The following CAP2 variants were observed in gnomAD, a reference collection of about 807,000 sequenced individuals.
CAP2 encodes the protein adenylyl cyclase-associated protein 2.
In CAP2, 24 loss-of-function variants were observed where a neutral mutation model predicts 57.7. That is an observed-to-expected ratio of 0.42 (90% confidence interval 0.30 to 0.58). The LOEUF (loss-of-function observed/expected upper bound fraction) is 0.58, where lower values mean the gene tolerates loss of function less well. Ranked by LOEUF, CAP2 falls within the 20% of genes least tolerant of loss-of-function variation. The probability of loss-of-function intolerance (pLI) is 0.22; values close to 1 mark genes in which losing one functional copy is unlikely to be tolerated. For synonymous variants in CAP2, 194 were observed against 207.2 expected (o/e 0.94, Z 0.55); for missense variants, 501 against 590.3 (o/e 0.85, Z 1.57).
intron 7 of CAP2, chr6:17,536,148 C>T (rs1218887933): frequency 2.2e-6 from 1 of 455,376 alleles, no homozygotes; most frequent in Non-Finnish European, 4.4e-6. Context: ...CTTGGGACAT[C>T]TGAAGACAGT....
chr6:17,555,641 G>A (rs1278468932), intron 12 of CAP2, among the ~76,000 whole-genome samples: 7 of 148,774 alleles, frequency 4.7e-5, no homozygotes, highest in Non-Finnish European at 7.4e-5. Context: ...TCGGCTGACC[G>A]CAACCTCTGC....
intron 7 of CAP2, among the ~76,000 whole-genome samples, chr6:17,529,651 A>AAAAAAAAAAAAATAT (rs10656588): frequency 4.2e-4 from 57 of 134,526 alleles, no homozygotes; most frequent in African/African-American, 1.6e-3. Context: ...AAAAAAAAAA[A>AAAAAAAAAAAAATAT]ATATATATAT....
chr6:17,541,111 C>G lies in CAP2; in HGVS notation c.965C>G (p.Ala322Gly), dbSNP rs751518035. The G allele has an allele frequency of 3.8e-5, 62 of 1,613,498 alleles. No homozygotes were observed. The South Asian group carries it at 6.4e-4, about 17-fold the overall frequency. ...SPKSYPSQKHAPVLELEGKKW... is the reference protein window; with the variant it reads ...SPKSYPSQKHGPVLELEGKKW... ...AAATCTTATCCTTCTCAAAAACATG[C>G]CCCAGTGTTGGAGTTGGAAGGAAAG... Residue 322 changes from alanine (A) to glycine (G), a missense_variant, in exon 9 of 13, where the codon GCC becomes GGC. Ala to Gly is a moderately conservative substitution (Grantham distance 60, BLOSUM62 0). Coordinates refer to ENST00000229922, the MANE Select transcript of CAP2 (RefSeq NM_006366.3).
At chr6:17,467,775 G>T (rs113352836) in intron 4 of CAP2, among the ~76,000 whole-genome samples, 2,485 of 152,048 alleles carry the variant, frequency 0.016, 74 homozygotes, top group African/African-American at 0.057. Flanking sequence ...CGCCCGCCTC[G>T]GCCTCCCAAA....
At chr6:17,424,355 G>A (rs1462760664) in intron 2 of CAP2, among the ~76,000 whole-genome samples, 1 of 152,104 alleles carries the variant, frequency 6.6e-6, no homozygotes, top group African/African-American at 2.4e-5. Flanking sequence ...AGCCGAGATC[G>A]CGCCACTGCA....
intron 1 of CAP2, among the ~76,000 whole-genome samples, chr6:17,417,656 G>A (rs1759320383): frequency 6.6e-6 from 1 of 152,130 alleles, no homozygotes; most frequent in African/African-American, 2.4e-5. Flanking sequence ...TCACACTCTG[G>A]TCAGGTGTTT....
intron 11 of CAP2, among the ~76,000 whole-genome samples, chr6:17,544,725 T>C (rs943896499): frequency 1.3e-5 from 2 of 152,130 alleles, no homozygotes; most frequent in African/African-American, 4.8e-5. Flanking sequence ...AGCTAATTTT[T>C]TGAATATTTA....
At chr6:17,483,894 A>C (rs2113625984) in intron 4 of CAP2, among the ~76,000 whole-genome samples, 1 of 152,108 alleles carries the variant, frequency 6.6e-6, no homozygotes, top group Middle Eastern at 3.4e-3. Flanking sequence ...GAAAAAACCC[A>C]GAGGAGCTTG....
At chr6:17,507,559 CT>C in intron 5 of CAP2, 81 bp from the exon 6 acceptor site, 1 of 936,112 alleles carries the variant, frequency 1.1e-6, no homozygotes, top group Non-Finnish European at 1.7e-6. Context: ...GTCTCCATTG[CT>C]TTTCTTCTTC....
chr6:17,510,401 G>A (rs1049143642), intron 6 of CAP2, among the ~76,000 whole-genome samples: 2 of 152,172 alleles, frequency 1.3e-5, no homozygotes, highest in Non-Finnish European at 2.9e-5. Flanking sequence ...GAATTTAGTC[G>A]TTCCATGTTG....
At chr6:17,456,586 T>A (rs1760577970) in intron 3 of CAP2, among the ~76,000 whole-genome samples, 1 of 152,090 alleles carries the variant, frequency 6.6e-6, no homozygotes, top group East Asian at 1.9e-4. Context: ...AAACAGGGCA[T>A]CAGTAGACCA....
intron 1 of CAP2, among the ~76,000 whole-genome samples, chr6:17,398,142 G>A (rs1279586975): frequency 6.6e-6 from 1 of 152,072 alleles, no homozygotes; most frequent in South Asian, 2.1e-4. Flanking sequence ...CTTTTAACCC[G>A]GTCACTCACG....
intron 3 of CAP2, among the ~76,000 whole-genome samples, chr6:17,461,906 T>G (rs925343324): frequency 1.5e-5 from 2 of 137,892 alleles, no homozygotes; most frequent in African/African-American, 2.7e-5. Flanking sequence ...GGCAGGAGAA[T>G]GGCATGAACC....
chr6:17,539,399 C>A lies in CAP2; in HGVS notation c.767C>A (p.Ser256Tyr), dbSNP rs370002478. 3 of 1,614,102 alleles carry A rather than the reference C, an allele frequency of 1.9e-6. No homozygotes were observed. The highest frequency in any genetic ancestry group is 2.5e-6 in the Non-Finnish European group (3 of 1,180,046). ...GAGAATGAAGGCAAAAAAGAGGAAT[C>A]TTCTCCTTCACGCTCAGCTTTATTT... The part of the protein sequence containing the change: ...LFENEGKKEE[S>Y]SPSRSALFAQ... Residue 256 changes from serine (S) to tyrosine (Y), a missense_variant, in exon 8 of 13, where the codon TCT becomes TAT. By Grantham distance (144) the Ser-to-Tyr change is moderately radical (BLOSUM62 -2). Transcript: ENST00000229922.
intron 11 of CAP2, among the ~76,000 whole-genome samples, chr6:17,544,409 G>A (rs1383532742): frequency 6.6e-6 from 1 of 152,106 alleles, no homozygotes; most frequent in Admixed American, 6.6e-5. Context: ...TGAGAAGTAG[G>A]GTTGGAGTTG....
chr6:17,483,368 G>A (rs1761342032), intron 4 of CAP2, among the ~76,000 whole-genome samples: 1 of 151,690 alleles, frequency 6.6e-6, no homozygotes, highest in African/African-American at 2.4e-5. Flanking sequence ...TCTAATTTTT[G>A]TGGACAGTCA....
At position 17,472,109 on chromosome 6, in the gene CAP2, C is replaced by T. The variant is rs1364464484; in HGVS notation, c.300+9036C>T. 8.1e-5 allele frequency among the ~76,000 whole-genome samples: 2 copies of T among 24,716 alleles called. 1 individual carries two copies. The highest frequency in any genetic ancestry group is 1.4e-4 in the Non-Finnish European group (2 of 14,568). The allele number at this position is 24,716 out of a possible 152,430, so 16.2% of individuals were successfully genotyped here. A position where few individuals can be genotyped will look rare whatever the true frequency, so the allele number is the denominator to read the frequency against. The stretch of plus-strand genomic sequence containing the variant: ...CAGCACTTTGGGAGGCCGAGGCGGG[C>T]GGATCACGAGGTCAGGAGATCGAGA... On this transcript the variant is annotated intron_variant, in intron 4 of 12. Transcript: ENST00000229922.
At chr6:17,468,206 A>G (rs1198666350) in intron 4 of CAP2, among the ~76,000 whole-genome samples, 3 of 151,830 alleles carry the variant, frequency 2.0e-5, no homozygotes, top group African/African-American at 4.8e-5. Flanking sequence ...CCTTCCATCT[A>G]TCCTGGCAGA....
At chr6:17,443,596 T>C (rs199720832) in intron 3 of CAP2, among the ~76,000 whole-genome samples, 1 of 93,970 alleles carries the variant, frequency 1.1e-5, no homozygotes, top group Admixed American at 9.7e-5. Flanking sequence ...CACACACACG[T>C]GCGCACGTGC....
Sources: allele counts gnomAD v4.1 joint callset (sites outside exome capture counted in the v4.1 genomes callset), GRCh38; gene constraint gnomAD v4.1.1; transcripts MANE v1.5; gene names NCBI Gene and HGNC (gene_info 2026-07-23, HGNC 2026-07-21).